Variants in SANBR observed in about 807,000 individuals in gnomAD.
SANBR encodes the protein SANT and BTB domain regulator of CSR.
SANBR carries 77 observed loss-of-function variants against 101.8 expected under a neutral mutation model. The ratio of observed to expected loss-of-function variants is 0.76; its 90% CI spans 0.63 to 0.91. The LOEUF (loss-of-function observed/expected upper bound fraction) is 0.91. Among genes scored for constraint, SANBR ranks in the 40% least tolerant of loss-of-function variants. The pLI, the probability that SANBR is intolerant of heterozygous loss-of-function variation, is 0.00. For missense variants in SANBR, 875 were observed against 853.0 expected, an observed-to-expected ratio of 1.03 and a Z score of -0.32; for synonymous variants, 279 against 274.7, an observed-to-expected ratio of 1.02 and a Z score of -0.15.
At chr2:61,097,901 A>T in intron 12 of SANBR, 49 bp downstream of exon 12, 1 of 1,471,522 alleles carries the variant, frequency 6.8e-7, no homozygotes, top group African/African-American at 1.4e-5. Flanking sequence ...AAAGTATAAC[A>T]GTAATACATT....
At chr2:61,080,226 A>G (rs983395293) in intron 6 of SANBR, among the ~76,000 whole-genome samples, 2 of 150,814 alleles carry the variant, frequency 1.3e-5, no homozygotes, top group Non-Finnish European at 2.9e-5. Context: ...CAGCAAAGCT[A>G]GTCATTCTGT....
chr2:61,088,301 AT>A, intron 9 of SANBR, 56 bp downstream of exon 9: 2 of 1,563,618 alleles, frequency 1.3e-6, no homozygotes, highest in Non-Finnish European at 1.7e-6. Flanking sequence ...ATATTCTTTA[AT>A]TTACTACATT....
In SANBR at chr2:61,123,143, G is replaced by A. The variant is rs1228726223; in HGVS notation, c.*981G>A. The A allele has an allele frequency of 5.1e-6, 5 of 980,068 alleles. No homozygotes were observed. In the East Asian group the frequency reaches 4.5e-4, roughly 88 times the overall value. 60.7% of individuals were successfully genotyped at this position (980,068 alleles called of 1,614,324 possible). On this transcript the variant is annotated 3_prime_UTR_variant, in exon 22 of 22. Transcript: ENST00000402291. ...ATTTTTCTAGCCAGGCAGAAAGAGTGCTCAGGGAAAATTTGTTCCAAACTA... is the reference window on the plus strand; with the variant it reads ...ATTTTTCTAGCCAGGCAGAAAGAGTACTCAGGGAAAATTTGTTCCAAACTA...
intron 12 of SANBR, among the ~76,000 whole-genome samples, chr2:61,102,981 ATAT>A (rs1304474065): frequency 6.6e-6 from 1 of 152,128 alleles, no homozygotes; most frequent in Non-Finnish European, 1.5e-5. Context: ...GTTCATAGTA[ATAT>A]TATTTTTAGT....
intron 11 of SANBR, among the ~76,000 whole-genome samples, chr2:61,093,844 A>C (rs1357345900): frequency 6.6e-6 from 1 of 152,244 alleles, no homozygotes; most frequent in Non-Finnish European, 1.5e-5. Flanking sequence ...TAATAAAAGC[A>C]TAAGAAAACT....
At position 61,124,021 on chromosome 2, in the gene SANBR, G is replaced by C. The variant is rs1684438086; in HGVS notation, c.*1859G>C. ...AGGCACAAGAATTGTTTGAACCCGG[G>C]TGGCAGAGGTTGCAGTGAGCTGAGA... On this transcript the variant is annotated 3_prime_UTR_variant, in exon 22 of 22. Transcript: ENST00000402291. The C allele has an allele frequency of 2.3e-6, 1 of 441,704 alleles. No individual in the cohort carries two copies. Among genetic ancestry groups the C allele is most frequent in the Non-Finnish European group, 3.0e-6 (1 of 333,602 alleles). 27.4% of individuals were successfully genotyped at this position (441,704 alleles called of 1,614,324 possible).
chr2:61,085,256 G>A (rs1010120091), intron 8 of SANBR, among the ~76,000 whole-genome samples: 3 of 152,030 alleles, frequency 2.0e-5, no homozygotes, highest in African/African-American at 7.2e-5. Context: ...CCTAAAAGTG[G>A]TGAAGACATT....
chr2:61,109,303 G>A lies in SANBR; in HGVS notation c.1744+7G>A, dbSNP rs756663790. 3 of 1,473,370 alleles carry A rather than the reference G, an allele frequency of 2.0e-6. No individual in the cohort carries two copies. In the South Asian group the frequency reaches 4.0e-5, roughly 20 times the overall value. 91.3% of individuals were successfully genotyped at this position (1,473,370 alleles called of 1,614,324 possible). A position where few individuals can be genotyped will look rare whatever the true frequency, so the allele number is the denominator to read the frequency against. On this transcript the variant is annotated splice_region_variant and intron_variant, in intron 16 of 21. Coordinates refer to ENST00000402291, the MANE Select transcript of SANBR (RefSeq NM_001129993.3). ...GAAGTATCCAAGAAACAAAGTATTG[G>A]TTTATAAGTTAAAATCAAATCTCCC...
chr2:61,085,795 G>A (rs893416785), intron 8 of SANBR, among the ~76,000 whole-genome samples: 4 of 151,976 alleles, frequency 2.6e-5, no homozygotes, highest in Admixed American at 6.6e-5. Context: ...ACAGACGTGA[G>A]CCACCACACC....
chr2:61,126,249 T>C (rs1684509560), downstream of SANBR, among the ~76,000 whole-genome samples: 2 of 152,328 alleles, frequency 1.3e-5, no homozygotes, highest in South Asian at 4.1e-4. Context: ...TCTTCTCTTT[T>C]CTTCACATCT....
intron 20 of SANBR, among the ~76,000 whole-genome samples, chr2:61,130,772 C>T (rs984215533): frequency 2.0e-5 from 3 of 150,388 alleles, no homozygotes; most frequent in Non-Finnish European, 4.4e-5. Flanking sequence ...CATGGTGAAA[C>T]CCTGTCTCTA....
chr2:61,133,176 T>C (rs1684740718), intron 20 of SANBR, among the ~76,000 whole-genome samples: 1 of 151,948 alleles, frequency 6.6e-6, no homozygotes, highest in Non-Finnish European at 1.5e-5. Context: ...CGCTTGAACC[T>C]AGGAGGTGGA....
rs755513954 is a variant in SANBR at position 61,118,053 on chromosome 2, A to G, written c.1965A>G (p.Thr655=). 6.2e-7 allele frequency: 1 copy of G among 1,613,530 alleles called. No homozygotes were observed. The highest frequency in any genetic ancestry group is 1.1e-5 in the South Asian group (1 of 90,944). ...ATCAACGGCGAATGACTGAAATTAC[A>G]GGGCACCTAATAAAAATGAGATTGG... ...EDDQRRMTEI[T]GHLIKMRLGD... Residue 655 remains threonine (T), a synonymous_variant, in exon 20 of 22, where the codon ACA becomes ACG. Transcript: ENST00000402291.
At chr2:61,134,125 G>C (rs1684771589) in intron 20 of SANBR, 19 of 1,613,972 alleles carry the variant, frequency 1.2e-5, no homozygotes, top group Non-Finnish European at 1.5e-5. Context: ...GTTATTATCT[G>C]CTTTTTTACA....
intron 13 of SANBR, 109 bp from the exon 14 acceptor site, chr2:61,106,454 A>G: frequency 1.4e-6 from 1 of 700,458 alleles, no homozygotes; most frequent in South Asian, 1.7e-5. Flanking sequence ...ATACTCAGGA[A>G]CTGTATTTCT....
intron 12 of SANBR, among the ~76,000 whole-genome samples, chr2:61,098,818 T>C (rs1368005636): frequency 6.6e-6 from 1 of 152,234 alleles, no homozygotes; most frequent in African/African-American, 2.4e-5. Context: ...AGGCAGAGGA[T>C]AGCCTGTAAA....
At chr2:61,121,367 T>C (rs1348832899) in intron 21 of SANBR, 91 bp downstream of exon 21, 3 of 785,886 alleles carry the variant, frequency 3.8e-6, no homozygotes, top group East Asian at 2.9e-5. Context: ...AAACATATCA[T>C]TTGAGTTTGG....
At chr2:61,106,840 TTAA>T (rs1227424427) in intron 14 of SANBR, among the ~76,000 whole-genome samples, 178 bp downstream of exon 14, 12 of 152,106 alleles carry the variant, frequency 7.9e-5, no homozygotes, top group Non-Finnish European at 8.8e-5. Flanking sequence ...CCTCAAAGAA[TTAA>T]TAATGAATAC....
In SANBR at chr2:61,108,324, C is replaced by T. The variant is rs1248282797; in HGVS notation, c.1619C>T (p.Ser540Leu). The change falls in exon 15 of 22, where the codon TCA becomes TTA. Residue 540 changes from serine to leucine, a missense_variant. Transcript: ENST00000402291. ...CTTATTCCTGTCTTGTAGTTCTTGT[C>T]ATTGAAAAACTGGACTCTACAACTG... Reference protein sequence around the residue: ...PKTGELNAFLSLKNWTLQLKQ... With the variant: ...PKTGELNAFLLLKNWTLQLKQ... 6.4e-7 allele frequency: 1 copy of T among 1,571,314 alleles called. No homozygotes were observed. Among genetic ancestry groups the T allele is most frequent in the Non-Finnish European group, 8.7e-7 (1 of 1,153,544 alleles).
Sources: gnomAD v4.1 joint callset for allele counts (sites outside exome capture counted in the v4.1 genomes callset) on GRCh38, gnomAD v4.1.1 for gene constraint, MANE v1.5 for transcripts, NCBI Gene and HGNC (gene_info 2026-07-23, HGNC 2026-07-21) for gene names.